Variants in NT5C2 observed in about 807,000 individuals in gnomAD.
The protein encoded by NT5C2 is 5'-nucleotidase, cytosolic II, also known as cytosolic purine 5'-nucleotidase.
Under a neutral mutation model 76.1 loss-of-function variants are expected in NT5C2, and 58 were observed. The ratio of observed to expected loss-of-function variants is 0.76; its 90% CI spans 0.62 to 0.95. NT5C2 has a LOEUF of 0.95. NT5C2 is among the 40% of genes least tolerant of loss of function. The pLI is 0.00. For missense variants in NT5C2, 478 were observed against 690.3 expected (o/e 0.69, Z 3.45); for synonymous variants, 229 against 237.4 (o/e 0.96, Z 0.32).
intron 1 of NT5C2, among the ~76,000 whole-genome samples, chr10:103,182,771 CTTA>C (rs2091308027): frequency 1.3e-5 from 2 of 152,120 alleles, no homozygotes; most frequent in African/African-American, 4.8e-5. Flanking sequence ...CAGCCTGAAA[CTTA>C]TTTTGGTCTC....
At position 103,090,936 on chromosome 10, in the gene NT5C2, C is replaced by T. The variant is rs779181180; in HGVS notation, c.1272G>A (p.Lys424=). ...PDISSIQRRI[K]KVTHDMDMCY... ...TTTCTCCCAAATCCCATTTGGATAC[C>T]TTAATACGTCTCTGGATGGAACTGA... The change falls in exon 17 of 19, where the codon AAG becomes AAA. Residue 424 remains lysine, a splice_region_variant and synonymous_variant. Transcript: ENST00000404739. The T allele has an allele frequency of 6.2e-7, 1 of 1,613,436 alleles. No homozygotes were observed. The highest frequency in any genetic ancestry group is 1.3e-5 in the African/African-American group (1 of 74,892).
At chr10:103,192,968 G>A (rs1441519010) in intron 1 of NT5C2, among the ~76,000 whole-genome samples, 1 of 152,128 alleles carries the variant, frequency 6.6e-6, no homozygotes, top group African/African-American at 2.4e-5. Context: ...CGTGACGTGG[G>A]CCGGAGGCGT....
Position 103,173,603 on chromosome 10 carries a change from C to T in NT5C2, c.101+1255G>A, listed in dbSNP as rs1054147520. ...CTCCAGCCTGGGCCAGGGAGCGAGA[C>T]GCCGTCTCAAAAAAAAAAAAAAAAA... is the stretch of plus-strand genomic sequence containing the variant. On this transcript the variant is annotated intron_variant, in intron 3 of 18. Coordinates refer to ENST00000404739, the MANE Select transcript of NT5C2 (RefSeq NM_001351169.2). Among the ~76,000 whole-genome samples, 19 of 118,920 alleles carry T rather than the reference C, an allele frequency of 1.6e-4. No homozygotes were observed. The East Asian group carries it at 2.8e-3, about 17-fold the overall frequency. The allele number at this position is 118,920 out of a possible 152,430, so 78.0% of individuals were successfully genotyped here.
intron 3 of NT5C2, among the ~76,000 whole-genome samples, chr10:103,157,998 G>A (rs903306919): frequency 6.6e-6 from 1 of 151,926 alleles, no homozygotes; most frequent in Non-Finnish European, 1.5e-5. Flanking sequence ...GCTTGAACCC[G>A]GGAGGTGGAG....
intron 4 of NT5C2, among the ~76,000 whole-genome samples, chr10:103,127,786 G>C (rs531612705): frequency 3.2e-4 from 49 of 152,140 alleles, no homozygotes; most frequent in African/African-American, 1.1e-3. Flanking sequence ...TCGATCTCCT[G>C]ACCTTGTGAT....
chr10:103,148,818 T>C (rs1317530026), intron 3 of NT5C2, among the ~76,000 whole-genome samples: 1 of 152,064 alleles, frequency 6.6e-6, no homozygotes, highest in Non-Finnish European at 1.5e-5. Flanking sequence ...TTTAAGATGA[T>C]TAAGATTTAA....
At chr10:103,134,777 G>A (rs1381958436) in intron 4 of NT5C2, among the ~76,000 whole-genome samples, 1 of 152,252 alleles carries the variant, frequency 6.6e-6, no homozygotes, top group African/African-American at 2.4e-5. Context: ...GCAGCTGGGA[G>A]GGAAGCTGTA....
At chr10:103,094,112 A>AACCCC in intron 13 of NT5C2, 74 bp from the exon 14 acceptor site, 1 of 710,884 alleles carries the variant, frequency 1.4e-6, no homozygotes, top group Non-Finnish European at 2.0e-6. Context: ...CAACCCTCCC[A>AACCCC]TCCCACCCCC....
At position 103,099,895 on chromosome 10, in the gene NT5C2, G is replaced by T. The variant is rs375634146; in HGVS notation, c.633+31C>A. 7.5e-6 allele frequency: 10 copies of T among 1,329,646 alleles called. No individual in the cohort carries two copies. In the African/African-American group the frequency reaches 1.2e-4, roughly 15 times the overall value. 82.4% of individuals were successfully genotyped at this position (1,329,646 alleles called of 1,614,324 possible). A position where few individuals can be genotyped will look rare whatever the true frequency, so the allele number is the denominator to read the frequency against. ...CACGCCATAAAATACATGCCAGAAAGCAAGCAGGTGAAGAAACAGCTTCTA... is the reference window on the plus strand; with the variant it reads ...CACGCCATAAAATACATGCCAGAAATCAAGCAGGTGAAGAAACAGCTTCTA... On this transcript the variant is annotated intron_variant, in intron 9 of 18. Coordinates refer to ENST00000404739, the MANE Select transcript of NT5C2 (RefSeq NM_001351169.2).
chr10:103,089,980 C>T lies in NT5C2; in HGVS notation c.1450-72G>A. The T allele has an allele frequency of 2.4e-6, 3 of 1,271,100 alleles. No homozygotes were observed. In the South Asian group the frequency reaches 4.5e-5, roughly 19 times the overall value. 78.7% of individuals were successfully genotyped at this position (1,271,100 alleles called of 1,614,324 possible). On this transcript the variant is annotated intron_variant, in intron 18 of 18. Coordinates refer to ENST00000404739, the MANE Select transcript of NT5C2 (RefSeq NM_001351169.2). ...AGCTACTCCCCAAATCCTAACCCCT[C>T]TCCTCTGTTAGGTGGCCATGCAATT...
intron 12 of NT5C2, 118 bp from the exon 13 acceptor site, chr10:103,094,573 T>G: frequency 1.5e-6 from 1 of 656,054 alleles, no homozygotes; most frequent in Non-Finnish European, 2.8e-6. Context: ...AAGATCCCAC[T>G]ATTTTATTTT....
chr10:103,108,620 A>G (rs2072045956), intron 4 of NT5C2, among the ~76,000 whole-genome samples: 1 of 152,204 alleles, frequency 6.6e-6, no homozygotes, highest in Non-Finnish European at 1.5e-5. Context: ...TACCTTTAAA[A>G]CTTACATTAA....
chr10:103,159,846 T>G (rs375746757), intron 3 of NT5C2, among the ~76,000 whole-genome samples: 3 of 152,116 alleles, frequency 2.0e-5, no homozygotes, highest in African/African-American at 7.2e-5. Flanking sequence ...AAGTTATATA[T>G]AGAGAGAGTC....
rs553683496 is a variant in NT5C2 at position 103,169,687 on chromosome 10, A to G, written c.101+5171T>C. On this transcript the variant is annotated intron_variant, in intron 3 of 18. Coordinates refer to ENST00000404739, the MANE Select transcript of NT5C2 (RefSeq NM_001351169.2). ...CAAGAACCCAAATTTTCTACATTTAATTTTTTTTTCAGGCTGGGAGTGATG... is the reference window on the plus strand; with the variant it reads ...CAAGAACCCAAATTTTCTACATTTAGTTTTTTTTTCAGGCTGGGAGTGATG... 1.8e-3 allele frequency among the ~76,000 whole-genome samples: 267 copies of G among 151,582 alleles called. 1 individual carries two copies. The highest frequency in any genetic ancestry group is 6.0e-3 in the African/African-American group (249 of 41,356).
intron 4 of NT5C2, among the ~76,000 whole-genome samples, chr10:103,110,099 C>T (rs2072557112): frequency 6.6e-6 from 1 of 152,082 alleles, no homozygotes; most frequent in Non-Finnish European, 1.5e-5. Flanking sequence ...CAAGTACAAA[C>T]ATCAGCTGAA....
chr10:103,159,069 C>A (rs1216470546), intron 3 of NT5C2, among the ~76,000 whole-genome samples: 1 of 152,008 alleles, frequency 6.6e-6, no homozygotes, highest in Non-Finnish European at 1.5e-5. Context: ...AGTCAGTAAT[C>A]AAAAAACTTC....
intron 4 of NT5C2, 37 bp from the exon 5 acceptor site, chr10:103,106,743 G>C: frequency 8.3e-7 from 1 of 1,205,274 alleles, no homozygotes; most frequent in Non-Finnish European, 1.2e-6. Context: ...TTAGCAGAAA[G>C]AACAGCCAAT....
At chr10:103,094,880 C>CAA (rs35752695) in intron 12 of NT5C2, among the ~76,000 whole-genome samples, 19,457 of 136,432 alleles carry the variant, frequency 0.14, 1,434 homozygotes, top group Middle Eastern at 0.23. Flanking sequence ...GACTCCATCT[C>CAA]AAAAAAAAAA....
At chr10:103,153,557 A>C in intron 3 of NT5C2, 1 of 985,426 alleles carries the variant, frequency 1.0e-6, no homozygotes, top group African/African-American at 1.7e-5. Context: ...AATGGCCTGA[A>C]CTGTTTAAGG....
Sources: gnomAD v4.1 joint callset for allele counts (sites outside exome capture counted in the v4.1 genomes callset) on GRCh38, gnomAD v4.1.1 for gene constraint, MANE v1.5 for transcripts, NCBI Gene and HGNC (gene_info 2026-07-23, HGNC 2026-07-21) for gene names.